Variants in ELMO1 observed in about 807,000 individuals in gnomAD.
ELMO1 encodes engulfment and cell motility protein 1.
ELMO1 carries 26 observed loss-of-function variants against 98.9 expected under a neutral mutation model. The observed-to-expected ratio is 0.26, with a 90% CI of 0.19 to 0.36. ELMO1 has a LOEUF of 0.36. ELMO1 is among the 10% of genes least tolerant of loss of function. The probability of loss-of-function intolerance (pLI) is 1.00; values close to 1 mark genes in which losing one functional copy is unlikely to be tolerated. For synonymous variants in ELMO1, 346 were observed against 346.0 expected (o/e 1.00, Z 0.00); for missense variants, 627 against 935.2 (o/e 0.67, Z 4.30).
At chr7:36,935,089 T>C (rs1023762311) in intron 16 of ELMO1, among the ~76,000 whole-genome samples, 9 of 152,228 alleles carry the variant, frequency 5.9e-5, no homozygotes, top group African/African-American at 2.2e-4. Context: ...GTAGCTCCCA[T>C]AATTCCCTCG....
At chr7:36,960,771 T>C (rs560535553) in intron 16 of ELMO1, among the ~76,000 whole-genome samples, 1 of 152,284 alleles carries the variant, frequency 6.6e-6, no homozygotes, top group Non-Finnish European at 1.5e-5. Flanking sequence ...AGCTTGGAGA[T>C]CCCTTGAATT....
At chr7:37,278,197 C>T (rs1429841771) in intron 4 of ELMO1, among the ~76,000 whole-genome samples, 5 of 129,662 alleles carry the variant, frequency 3.9e-5, no homozygotes, top group East Asian at 5.1e-4. Flanking sequence ...CTTCACTAGG[C>T]TACAGTTTCC....
chr7:37,033,267 C>G (rs1409371843), intron 15 of ELMO1: 2 of 398,768 alleles, frequency 5.0e-6, no homozygotes, highest in Non-Finnish European at 1.0e-5. Context: ...CAAATTGTTC[C>G]CCCTTCCAGG....
intron 18 of ELMO1, among the ~76,000 whole-genome samples, chr7:36,882,168 C>T (rs150000836): frequency 2.6e-5 from 4 of 152,172 alleles, no homozygotes; most frequent in Non-Finnish European, 4.4e-5. Context: ...GGGCTGACCC[C>T]GGGGGCCCTA....
chr7:37,222,304 CA>C (rs2130534234), intron 10 of ELMO1, among the ~76,000 whole-genome samples: 1 of 152,348 alleles, frequency 6.6e-6, no homozygotes, highest in Admixed American at 6.5e-5. Context: ...GCTTCCACCA[CA>C]GCAGCGTTTT....
chr7:37,259,320 T>C lies in ELMO1; in HGVS notation c.274A>G (p.Ile92Val), dbSNP rs771060425. 3.7e-6 allele frequency: 6 copies of C among 1,614,014 alleles called. No individual in the cohort carries two copies. Among genetic ancestry groups the C allele is most frequent in the Admixed American group, 1.7e-5 (1 of 60,000 alleles). Residue 92 changes from isoleucine (I) to valine (V), a missense_variant, in exon 6 of 22, where the codon ATC (isoleucine) becomes GTC (valine). Coordinates refer to ENST00000310758, the MANE Select transcript of ELMO1 (RefSeq NM_014800.11). The part of the protein sequence containing the change: ...AQNAQQLHER[I>V]QSSSMDAKLE... ...TTGGCATCCATACTCGAGGACTGGA[T>C]TCGTTCATGGAGCTGCTGGGCGTTC... is the stretch of plus-strand genomic sequence containing the variant.
At chr7:37,436,391 C>T (rs773846907) in intron 1 of ELMO1, among the ~76,000 whole-genome samples, 11 of 152,108 alleles carry the variant, frequency 7.2e-5, no homozygotes, top group Non-Finnish European at 1.3e-4. Context: ...TTGTCAGGTC[C>T]AATGAAGATA....
chr7:37,109,339 T>C (rs912285813), intron 14 of ELMO1, among the ~76,000 whole-genome samples: 1 of 152,228 alleles, frequency 6.6e-6, no homozygotes. Context: ...AAAATGTCCT[T>C]CGTTGTGTGT....
At chr7:37,359,208 C>T (rs997772776) in intron 1 of ELMO1, among the ~76,000 whole-genome samples, 1 of 152,370 alleles carries the variant, frequency 6.6e-6, no homozygotes, top group South Asian at 2.1e-4. Flanking sequence ...CCTTGCAGGA[C>T]TATCTGCTTT....
intron 1 of ELMO1, among the ~76,000 whole-genome samples, chr7:37,431,985 G>A (rs151017021): frequency 6.6e-5 from 10 of 152,274 alleles, no homozygotes; most frequent in Admixed American, 2.0e-4. Context: ...AGCCTCAAGC[G>A]ATTCTCCTGC....
chr7:36,855,263 G>A lies in ELMO1; in HGVS notation c.*288C>T, dbSNP rs958495144. 8.9e-6 allele frequency: 4 copies of A among 448,198 alleles called. No individual in the cohort carries two copies. The highest frequency in any genetic ancestry group is 1.6e-5 in the Non-Finnish European group (4 of 242,832). 27.8% of individuals were successfully genotyped at this position (448,198 alleles called of 1,614,324 possible). A position where few individuals can be genotyped will look rare whatever the true frequency, so the allele number is the denominator to read the frequency against. On this transcript the variant is annotated 3_prime_UTR_variant, in exon 22 of 22. Coordinates refer to ENST00000310758, the MANE Select transcript of ELMO1 (RefSeq NM_014800.11). The surrounding 1 kb of genome is among the most constrained non-coding windows in gnomAD (Gnocchi z 4.2). ...GCCTGCAGAGGGCTAGGATGGAAGG[G>A]CCCTTTGGCCTTCTTACTGGCAGTG... is the stretch of plus-strand genomic sequence containing the variant.
intron 15 of ELMO1, among the ~76,000 whole-genome samples, chr7:37,043,746 G>T (rs141825104): frequency 6.6e-6 from 1 of 152,126 alleles, no homozygotes; most frequent in Non-Finnish European, 1.5e-5. Flanking sequence ...GGAGACCAAC[G>T]AGAGTTTGGA....
At chr7:36,924,617 T>C (rs377278062) in intron 16 of ELMO1, among the ~76,000 whole-genome samples, 14 of 152,312 alleles carry the variant, frequency 9.2e-5, no homozygotes, top group Middle Eastern at 6.8e-3. Flanking sequence ...TTAAAGGAAA[T>C]ATATTTGGTA....
rs560871063 is a variant in ELMO1, at chr7:37,389,118, G to A, written c.-73-46355C>T. Among the ~76,000 whole-genome samples, 10 of 152,246 alleles carry A rather than the reference G, an allele frequency of 6.6e-5. No individual in the cohort carries two copies. In the South Asian group the frequency reaches 2.1e-3, roughly 32 times the overall value. ...TTAATTCAAGGAAAGAAATAACAAT[G>A]CAACACCAAAGCACTACTTTCCACA... On this transcript the variant is annotated intron_variant, in intron 1 of 21. Coordinates refer to ENST00000310758, the MANE Select transcript of ELMO1 (RefSeq NM_014800.11).
chr7:36,937,267 G>A (rs755235433), intron 16 of ELMO1, among the ~76,000 whole-genome samples: 2 of 152,170 alleles, frequency 1.3e-5, no homozygotes, highest in Non-Finnish European at 2.9e-5. Flanking sequence ...TATAACTGGC[G>A]TCCTTATAAG....
chr7:37,240,048 T>TG (rs929818527), intron 7 of ELMO1, among the ~76,000 whole-genome samples: 3 of 150,668 alleles, frequency 2.0e-5, no homozygotes, highest in African/African-American at 7.3e-5. Context: ...TTTTTTCTTT[T>TG]TTTTTTTTGA....
chr7:37,386,488 C>T (rs1428890044), intron 1 of ELMO1, among the ~76,000 whole-genome samples: 1 of 152,074 alleles, frequency 6.6e-6, no homozygotes, highest in East Asian at 1.9e-4. Context: ...CCTAGGGAGT[C>T]GTTATTGTCC....
intron 4 of ELMO1, among the ~76,000 whole-genome samples, chr7:37,289,598 C>G (rs1182661500): frequency 1.3e-5 from 2 of 152,160 alleles, no homozygotes; most frequent in Non-Finnish European, 2.9e-5. Context: ...CCTGCTCCAG[C>G]CCTAAGAGGA....
intron 19 of ELMO1, among the ~76,000 whole-genome samples, chr7:36,874,714 A>C (rs555936638): frequency 2.6e-5 from 4 of 152,140 alleles, no homozygotes; most frequent in Non-Finnish European, 4.4e-5. Context: ...ATGCTGGCCT[A>C]GATTCTTTCA....
Sources: gnomAD v4.1 joint callset for allele counts (sites outside exome capture counted in the v4.1 genomes callset) on GRCh38, gnomAD v4.1.1 for gene constraint, Gnocchi (gnomAD v3.1) non-coding constraint, MANE v1.5 for transcripts, NCBI Gene and HGNC (gene_info 2026-07-23, HGNC 2026-07-21) for gene names.